Variants in RGS6 observed in about 807,000 individuals in gnomAD.
The protein encoded by RGS6 is regulator of G protein signaling 6, also known as regulator of G-protein signaling 6.
A neutral mutation model predicts 78.5 loss-of-function variants in RGS6; 30 were observed. The ratio of observed to expected loss-of-function variants is 0.38; its 90% CI spans 0.29 to 0.52. The LOEUF is 0.52. Among genes scored for constraint, RGS6 ranks in the 20% least tolerant of loss-of-function variants. RGS6 has a pLI of 0.85. For missense variants in RGS6, 495 were observed against 609.7 expected (o/e 0.81, Z 1.98); for synonymous variants, 206 against 206.0 (o/e 1.00, Z 0.00).
intron 3 of RGS6, among the ~76,000 whole-genome samples, chr14:72,447,148 A>G (rs2095386533): frequency 6.6e-6 from 1 of 152,170 alleles, no homozygotes; most frequent in Non-Finnish European, 1.5e-5. Flanking sequence ...GGCAGTCCCA[A>G]GGCAGGAGAG....
At chr14:72,168,858 G>GC (rs933978233) in intron 2 of RGS6, among the ~76,000 whole-genome samples, 3 of 152,140 alleles carry the variant, frequency 2.0e-5, no homozygotes, top group Non-Finnish European at 4.4e-5. Context: ...AGCCTTTCTT[G>GC]CCCCAGGGTG....
chr14:72,380,541 A>C (rs977819053), intron 3 of RGS6, among the ~76,000 whole-genome samples: 11 of 152,278 alleles, frequency 7.2e-5, no homozygotes, highest in African/African-American at 2.6e-4. Flanking sequence ...AAAAGAAGAC[A>C]TACAAGTGAC....
intron 3 of RGS6, among the ~76,000 whole-genome samples, chr14:72,362,104 G>A (rs2081566888): frequency 6.6e-6 from 1 of 152,168 alleles, no homozygotes; most frequent in Non-Finnish European, 1.5e-5. Context: ...ATAAATGCCT[G>A]CTGTTGCTAT....
chr14:72,604,923 G>A, the RGS6 span, among the ~76,000 whole-genome samples: 6 of 152,280 alleles, frequency 3.9e-5, no homozygotes, highest in Admixed American at 3.9e-4. Context: ...TAAAGCCAGA[G>A]GGACTCGGGT....
At position 71,932,774 on chromosome 14, in the gene RGS6, T is replaced by C. The variant is rs1367559239; in HGVS notation, c.-188T>C. The C allele has an allele frequency of 6.6e-6, 1 of 152,208 alleles. No individual in the cohort carries two copies. The allele number at this position is 152,208 out of a possible 1,614,324, so 9.4% of individuals were successfully genotyped here. On this transcript the variant is annotated 5_prime_UTR_variant, in exon 1 of 18. Coordinates refer to ENST00000553525, the MANE Select transcript of RGS6 (RefSeq NM_001204424.2). ...GAAACTCGGAAAGAGGAGGCGAGGC[T>C]GTGGGGAGCGGCGCGGAGACGGACT...
chr14:72,031,926 G>A (rs533317058), intron 2 of RGS6, among the ~76,000 whole-genome samples: 37 of 152,238 alleles, frequency 2.4e-4, no homozygotes, highest in African/African-American at 8.4e-4. Context: ...TGTTTGCAGT[G>A]CCAATAGTTT....
chr14:72,059,978 C>A (rs888595637), intron 2 of RGS6, among the ~76,000 whole-genome samples: 1 of 152,080 alleles, frequency 6.6e-6, no homozygotes, highest in South Asian at 2.1e-4. Flanking sequence ...CTGGAGTGTG[C>A]GTTGTTCAAT....
intron 2 of RGS6, among the ~76,000 whole-genome samples, chr14:72,141,610 G>A (rs944175288): frequency 6.6e-6 from 1 of 152,072 alleles, no homozygotes; most frequent in Non-Finnish European, 1.5e-5. Context: ...GTGCTGGACC[G>A]TGAGGAAGGA....
intron 2 of RGS6, among the ~76,000 whole-genome samples, chr14:72,325,451 TG>T (rs1285429490): frequency 6.6e-6 from 1 of 151,990 alleles, no homozygotes; most frequent in Non-Finnish European, 1.5e-5. Context: ...TGAATGGTAT[TG>T]CCTAGGTTTT....
chr14:72,403,054 G>A (rs2092609828), intron 3 of RGS6, among the ~76,000 whole-genome samples: 1 of 152,066 alleles, frequency 6.6e-6, no homozygotes. Flanking sequence ...GCCTCCCAAA[G>A]TGCTAGGATT....
At chr14:72,401,165 A>C (rs538351952) in intron 3 of RGS6, among the ~76,000 whole-genome samples, 1 of 152,110 alleles carries the variant, frequency 6.6e-6, no homozygotes, top group Non-Finnish European at 1.5e-5. Context: ...ACCTCCTTAA[A>C]ATACTTTTAT....
chr14:72,308,762 A>G (rs2067858997), intron 2 of RGS6, among the ~76,000 whole-genome samples: 1 of 152,214 alleles, frequency 6.6e-6, no homozygotes, highest in African/African-American at 2.4e-5. Flanking sequence ...GCACTAGCCA[A>G]AAGGGGGTGC....
At chr14:72,210,006 T>C (rs561255167) in intron 2 of RGS6, among the ~76,000 whole-genome samples, 9 of 152,310 alleles carry the variant, frequency 5.9e-5, no homozygotes, top group African/African-American at 2.2e-4. Context: ...GAGCACCCTT[T>C]TATGGACCAA....
chr14:72,291,166 G>A (rs776703716), intron 2 of RGS6, among the ~76,000 whole-genome samples: 1 of 151,838 alleles, frequency 6.6e-6, no homozygotes, highest in South Asian at 2.1e-4. Flanking sequence ...CAAGCCCTTA[G>A]ATGGCATTCA....
the RGS6 span, among the ~76,000 whole-genome samples, chr14:71,874,800 A>G: frequency 6.6e-6 from 1 of 152,122 alleles, no homozygotes; most frequent in South Asian, 2.1e-4. Context: ...AGCTCTTATT[A>G]TTTTGAGATA....
chr14:72,026,828 A>G (rs1320891494), intron 2 of RGS6, among the ~76,000 whole-genome samples: 2 of 152,218 alleles, frequency 1.3e-5, no homozygotes, highest in Non-Finnish European at 2.9e-5. Flanking sequence ...ACAAGCACAC[A>G]TCAGTATGTA....
intron 2 of RGS6, among the ~76,000 whole-genome samples, chr14:71,971,414 G>C (rs190785139): frequency 1.3e-5 from 2 of 152,160 alleles, no homozygotes; most frequent in African/African-American, 4.8e-5. Context: ...TCTCAAGGCA[G>C]ACTACTTTCC....
At chr14:71,972,748 A>T (rs1220161177) in intron 2 of RGS6, among the ~76,000 whole-genome samples, 1 of 152,146 alleles carries the variant, frequency 6.6e-6, no homozygotes, top group Non-Finnish European at 1.5e-5. Context: ...ATGATGCCCA[A>T]ATCAGTGGCA....
intron 2 of RGS6, among the ~76,000 whole-genome samples, chr14:72,104,861 A>G (rs1597632194): frequency 6.6e-6 from 1 of 152,172 alleles, no homozygotes; most frequent in East Asian, 1.9e-4. Flanking sequence ...CTGTGTTTTA[A>G]ATAAGCTCTC....
Sources: allele counts gnomAD v4.1 joint callset (sites outside exome capture counted in the v4.1 genomes callset), GRCh38; gene constraint gnomAD v4.1.1; transcripts MANE v1.5; gene names NCBI Gene and HGNC (gene_info 2026-07-23, HGNC 2026-07-21).